Variants in PRKG1 observed in about 807,000 individuals in gnomAD.
PRKG1 encodes the protein protein kinase cGMP-dependent 1, also known as cGMP-dependent protein kinase 1.
PRKG1 carries 35 observed loss-of-function variants against 88.1 expected under a neutral mutation model. That is an observed-to-expected ratio of 0.40 (90% CI 0.30 to 0.53). The LOEUF is 0.53. Ranked by LOEUF, PRKG1 falls within the 20% of genes least tolerant of loss-of-function variation. PRKG1 has a pLI of 0.59. For synonymous variants in PRKG1, 303 were observed against 292.5 expected (o/e 1.04, Z -0.37); for missense variants, 540 against 839.8 (o/e 0.64, Z 4.41).
intron 5 of PRKG1, among the ~76,000 whole-genome samples, chr10:52,014,580 T>C (rs1844986765): frequency 6.6e-6 from 1 of 152,188 alleles, no homozygotes; most frequent in South Asian, 2.1e-4. Context: ...TCAAAATTAA[T>C]CATGCCTTTC....
intron 2 of PRKG1, among the ~76,000 whole-genome samples, chr10:51,254,059 A>G (rs1839492361): frequency 6.6e-6 from 1 of 151,954 alleles, no homozygotes. Context: ...TTGCAAATAA[A>G]AGCGATGTAA....
chr10:52,122,130 T>C (rs973582263), intron 7 of PRKG1, among the ~76,000 whole-genome samples: 5 of 152,188 alleles, frequency 3.3e-5, no homozygotes, highest in African/African-American at 1.2e-4. Context: ...AGGGTCTTCT[T>C]GATGCATCAT....
intron 5 of PRKG1, among the ~76,000 whole-genome samples, chr10:52,016,750 T>C (rs1197906980): frequency 6.6e-6 from 1 of 152,220 alleles, no homozygotes; most frequent in African/African-American, 2.4e-5. Flanking sequence ...GATTTTATAG[T>C]ATTTACATTC....
At chr10:51,674,493 T>A (rs1840661613) in intron 3 of PRKG1, among the ~76,000 whole-genome samples, 1 of 152,220 alleles carries the variant, frequency 6.6e-6, no homozygotes, top group Admixed American at 6.5e-5. Flanking sequence ...TCATATCGTA[T>A]TAAATTTCTT....
At chr10:51,762,496 A>G (rs1282408682) in intron 3 of PRKG1, among the ~76,000 whole-genome samples, 1 of 152,208 alleles carries the variant, frequency 6.6e-6, no homozygotes, top group Non-Finnish European at 1.5e-5. Flanking sequence ...AGTATATTCA[A>G]TCGACCTTAA....
At chr10:52,171,125 GTT>G (rs768183110) in intron 9 of PRKG1, among the ~76,000 whole-genome samples, 38,964 of 79,664 alleles carry the variant, frequency 0.49, 6,846 homozygotes, top group African/African-American at 0.57. Context: ...TTATTGGTGT[GTT>G]TTTTTTTTTT....
chr10:51,078,372 C>T (rs1844017515), intron 1 of PRKG1, among the ~76,000 whole-genome samples: 1 of 148,488 alleles, frequency 6.7e-6, no homozygotes, highest in Non-Finnish European at 1.5e-5. Context: ...GCACGTGCCA[C>T]CAATGCCTGG....
At chr10:52,157,313 A>ATATATATATATATC in intron 8 of PRKG1, among the ~76,000 whole-genome samples, 1 of 43,174 alleles carries the variant, frequency 2.3e-5, no homozygotes, top group East Asian at 4.2e-4. Flanking sequence ...GTTGATATAT[A>ATATATATATATATC]TATATATATA....
At chr10:51,051,152 G>A (rs1381643049) in intron 1 of PRKG1, among the ~76,000 whole-genome samples, 2 of 151,984 alleles carry the variant, frequency 1.3e-5, no homozygotes, top group South Asian at 2.1e-4. Context: ...TGTACAGAAG[G>A]TATTCAGTTT....
intron 9 of PRKG1, among the ~76,000 whole-genome samples, chr10:52,201,034 C>T (rs1839652136): frequency 6.6e-6 from 1 of 152,088 alleles, no homozygotes; most frequent in South Asian, 2.1e-4. Context: ...GTTTCTTTTG[C>T]TTTGCAGAAA....
chr10:51,476,905 T>G (rs56009775), intron 3 of PRKG1, among the ~76,000 whole-genome samples: 20,153 of 152,006 alleles, frequency 0.13, 1,444 homozygotes, highest in African/African-American at 0.18. Flanking sequence ...CTGTATACTA[T>G]GTACATGCCG....
At chr10:51,748,928 A>T (rs997312400) in intron 3 of PRKG1, among the ~76,000 whole-genome samples, 4 of 152,218 alleles carry the variant, frequency 2.6e-5, no homozygotes, top group Non-Finnish European at 5.9e-5. Context: ...CTTTGGTCCA[A>T]TGTCAAATTT....
intron 3 of PRKG1, among the ~76,000 whole-genome samples, chr10:51,617,944 A>G (rs1839104549): frequency 6.6e-6 from 1 of 152,270 alleles, no homozygotes; most frequent in Non-Finnish European, 1.5e-5. Flanking sequence ...TAACAGATGC[A>G]GAACATCTGG....
At chr10:52,069,408 G>C (rs1846437579) in intron 7 of PRKG1, among the ~76,000 whole-genome samples, 1 of 152,078 alleles carries the variant, frequency 6.6e-6, no homozygotes, top group Admixed American at 6.5e-5. Flanking sequence ...GCACAAGCCT[G>C]TAATTCCAGC....
intron 3 of PRKG1, among the ~76,000 whole-genome samples, chr10:51,531,328 A>G (rs1842010814): frequency 6.6e-6 from 1 of 152,192 alleles, no homozygotes; most frequent in African/African-American, 2.4e-5. Flanking sequence ...CAGCATTTTC[A>G]TGGCACTGTA....
chr10:51,323,205 G>A (rs71508074), intron 2 of PRKG1, among the ~76,000 whole-genome samples: 29 of 152,064 alleles, frequency 1.9e-4, no homozygotes, highest in Non-Finnish European at 3.4e-4. Context: ...ATATTGCTAC[G>A]ATATGATATA....
chr10:51,756,464 G>T (rs1837863395), intron 3 of PRKG1, among the ~76,000 whole-genome samples: 1 of 140,278 alleles, frequency 7.1e-6, no homozygotes, highest in Non-Finnish European at 1.5e-5. Flanking sequence ...TCCAGCATGG[G>T]CAACAGAGTG....
intron 3 of PRKG1, among the ~76,000 whole-genome samples, chr10:51,545,827 T>A (rs192353693): frequency 7.2e-5 from 11 of 152,188 alleles, no homozygotes; most frequent in Non-Finnish European, 1.3e-4. Flanking sequence ...AATGACTTCA[T>A]AATGATTTTT....
At chr10:52,039,647 G>A (rs976705315) in intron 5 of PRKG1, among the ~76,000 whole-genome samples, 1 of 152,056 alleles carries the variant, frequency 6.6e-6, no homozygotes, top group Non-Finnish European at 1.5e-5. Flanking sequence ...CATTCCTGAG[G>A]CCTCTAAACC....
Sources: gnomAD v4.1 joint callset for allele counts (sites outside exome capture counted in the v4.1 genomes callset) on GRCh38, gnomAD v4.1.1 for gene constraint, MANE v1.5 for transcripts, NCBI Gene and HGNC (gene_info 2026-07-23, HGNC 2026-07-21) for gene names.